The following GALNTL5 variants were observed in gnomAD, a reference collection of about 807,000 sequenced individuals.
GALNTL5 encodes the protein inactive polypeptide N-acetylgalactosaminyltransferase-like protein 5.
A neutral mutation model predicts 51.0 loss-of-function variants in GALNTL5; 44 were observed. The observed-to-expected ratio is 0.86, with a 90% CI of 0.68 to 1.11. The LOEUF is 1.11. Among genes scored for constraint, GALNTL5 ranks in the 50% least tolerant of loss-of-function variants. The pLI, the probability that GALNTL5 is intolerant of heterozygous loss-of-function variation, is 0.00. For missense variants in GALNTL5, 528 were observed against 531.8 expected (o/e 0.99, Z 0.07); for synonymous variants, 192 against 182.8 (o/e 1.05, Z -0.41).
intron 8 of GALNTL5, 52 bp from the exon 9 acceptor site, chr7:152,019,594 A>C: frequency 6.6e-7 from 1 of 1,526,604 alleles, no homozygotes; most frequent in Admixed American, 1.8e-5. Context: ...TCATTTGATC[A>C]GCAAAGATTT....
intron 5 of GALNTL5, among the ~76,000 whole-genome samples, chr7:151,991,839 C>G (rs2081432233): frequency 6.6e-6 from 1 of 152,092 alleles, no homozygotes; most frequent in South Asian, 2.1e-4. Context: ...GAGATTTTCA[C>G]TGGAATTGTA....
At chr7:151,996,195 T>C (rs1015626351) in intron 5 of GALNTL5, among the ~76,000 whole-genome samples, 1 of 149,440 alleles carries the variant, frequency 6.7e-6, no homozygotes, top group African/African-American at 2.6e-5. Context: ...CACCACATTC[T>C]TTTTTTTTAA....
intron 1 of GALNTL5, among the ~76,000 whole-genome samples, chr7:151,964,749 C>A (rs1194237302): frequency 6.6e-6 from 1 of 152,208 alleles, no homozygotes; most frequent in African/African-American, 2.4e-5. Context: ...GTTGGGCCAA[C>A]CTTGGCCACA....
At chr7:152,007,768 G>A in intron 6 of GALNTL5, 59 bp from the exon 7 acceptor site, 1 of 975,272 alleles carries the variant, frequency 1.0e-6, no homozygotes, top group Non-Finnish European at 1.6e-6. Flanking sequence ...ATAATTTTGA[G>A]GAAACTACAG....
chr7:152,018,116 T>C lies in GALNTL5; in HGVS notation c.1177-1530T>C, dbSNP rs186204302. 1.2e-4 allele frequency among the ~76,000 whole-genome samples: 18 copies of C among 152,356 alleles called. No individual in the cohort carries two copies. The East Asian group carries it at 3.5e-3, about 29-fold the overall frequency. ...GCCTTGGCCTCCCAAAGTGCTGGGA[T>C]TACAGGCATAAGCCACCACGCCCAG... On this transcript the variant is annotated intron_variant, in intron 8 of 8. Transcript: ENST00000392800.
Position 151,983,035 on chromosome 7 carries a change from A to G in GALNTL5, c.418A>G (p.Ile140Val), listed in dbSNP as rs1481773274. The change falls in exon 4 of 9, where the codon ATT becomes GTT. Residue 140 changes from isoleucine to valine, a missense_variant. By Grantham distance (29) the Ile-to-Val change is conservative (BLOSUM62 3). Coordinates refer to ENST00000392800, the MANE Select transcript of GALNTL5 (RefSeq NM_145292.4). ...CCGCCTCCCGACTGCCAGCATTGTC[A>G]TTTGCTTCTATAATGAAGAATGTAA... Reference protein sequence around the residue: ...PARLPTASIVICFYNEECNAL... With the variant: ...PARLPTASIVVCFYNEECNAL... 1 of 1,614,174 alleles carries G rather than the reference A, an allele frequency of 6.2e-7. No homozygotes were observed. The highest frequency in any genetic ancestry group is 1.1e-5 in the South Asian group (1 of 91,084).
At chr7:151,973,229 G>A (rs2081168451) in intron 3 of GALNTL5, among the ~76,000 whole-genome samples, 1 of 151,942 alleles carries the variant, frequency 6.6e-6, no homozygotes, top group African/African-American at 2.4e-5. Context: ...GGCTAAGGCA[G>A]GTGGATCACG....
At chr7:152,015,287 C>T (rs146075113) in intron 8 of GALNTL5, among the ~76,000 whole-genome samples, 25 of 151,890 alleles carry the variant, frequency 1.6e-4, no homozygotes, top group East Asian at 1.5e-3. Context: ...CTATTCCCTC[C>T]GTTCCCACCT....
chr7:151,999,884 AGACTGACCAC>A (rs913694533), intron 5 of GALNTL5, among the ~76,000 whole-genome samples: 1 of 152,214 alleles, frequency 6.6e-6, no homozygotes, highest in African/African-American at 2.4e-5. Flanking sequence ...GTGAGTTGTT[AGACTGACCAC>A]GATAAAGATA....
intron 1 of GALNTL5, among the ~76,000 whole-genome samples, chr7:151,966,158 C>T (rs1413931151): frequency 6.6e-6 from 1 of 152,154 alleles, no homozygotes; most frequent in African/African-American, 2.4e-5. Flanking sequence ...CAGTAGTACA[C>T]ATAGCTCCAG....
chr7:151,967,896 A>G (rs2081080035), intron 2 of GALNTL5, among the ~76,000 whole-genome samples: 1 of 152,018 alleles, frequency 6.6e-6, no homozygotes, highest in Non-Finnish European at 1.5e-5. Context: ...TGTGTTCTAT[A>G]TTTTTAATAT....
intron 2 of GALNTL5, among the ~76,000 whole-genome samples, chr7:151,970,134 G>A (rs1189936339): frequency 7.8e-6 from 1 of 128,164 alleles, no homozygotes; most frequent in East Asian, 2.5e-4. Context: ...TTTGGTGGGT[G>A]GGGAGGGGGT....
chr7:151,964,751 T>G (rs902610457), intron 1 of GALNTL5, among the ~76,000 whole-genome samples: 1 of 152,222 alleles, frequency 6.6e-6, no homozygotes, highest in Non-Finnish European at 1.5e-5. Flanking sequence ...TGGGCCAACC[T>G]TGGCCACAGG....
At chr7:151,997,387 C>A (rs114383078) in intron 5 of GALNTL5, among the ~76,000 whole-genome samples, 1,986 of 152,290 alleles carry the variant, frequency 0.013, 36 homozygotes, top group African/African-American at 0.046. Context: ...TTTCCTAGCA[C>A]CAAACTTTAG....
intron 6 of GALNTL5, among the ~76,000 whole-genome samples, chr7:152,004,545 A>T (rs184819227): frequency 8.7e-4 from 132 of 152,256 alleles, no homozygotes; most frequent in African/African-American, 3.1e-3. Context: ...CTTTCCAAGT[A>T]TCCACCACTC....
intron 3 of GALNTL5, among the ~76,000 whole-genome samples, chr7:151,981,219 A>G (rs1219778724): frequency 6.6e-6 from 1 of 152,170 alleles, no homozygotes; most frequent in Non-Finnish European, 1.5e-5. Flanking sequence ...GCTGATGTCA[A>G]TCACATTTCC....
At chr7:151,966,956 C>T (rs1010547208) in intron 1 of GALNTL5, among the ~76,000 whole-genome samples, 3 of 152,026 alleles carry the variant, frequency 2.0e-5, no homozygotes, top group Non-Finnish European at 2.9e-5. Flanking sequence ...TATATGTACA[C>T]GAGTATGGGC....
intron 2 of GALNTL5, 190 bp from the exon 3 acceptor site, chr7:151,970,755 T>TG: frequency 2.4e-6 from 1 of 419,250 alleles, no homozygotes; most frequent in Non-Finnish European, 4.4e-6. Context: ...AGGTATTCCT[T>TG]TATAGCAATG....
At chr7:152,019,254 C>T (rs1189436930) in intron 8 of GALNTL5, among the ~76,000 whole-genome samples, 1 of 152,328 alleles carries the variant, frequency 6.6e-6, no homozygotes, top group African/African-American at 2.4e-5. Flanking sequence ...TCTATTCTCC[C>T]TTTACTACAT....
Sources: allele counts gnomAD v4.1 joint callset (sites outside exome capture counted in the v4.1 genomes callset), GRCh38; gene constraint gnomAD v4.1.1; transcripts MANE v1.5; gene names NCBI Gene and HGNC (gene_info 2026-07-23, HGNC 2026-07-21).